OSBPL9: variants seen among roughly 807,000 people sequenced by gnomAD.
OSBPL9 encodes the protein oxysterol-binding protein-related protein 9.
A neutral mutation model predicts 106.6 loss-of-function variants in OSBPL9; 40 were observed. The observed-to-expected ratio is 0.38, with a 90% CI of 0.29 to 0.49. OSBPL9 has a LOEUF of 0.49. OSBPL9 is among the 20% of genes least tolerant of loss of function. The pLI, the probability that OSBPL9 is intolerant of heterozygous loss-of-function variation, is 0.97. For synonymous variants in OSBPL9, 269 were observed against 295.4 expected (o/e 0.91, Z 0.92); for missense variants, 609 against 887.2 (o/e 0.69, Z 3.98).
Position 51,745,852 on chromosome 1 carries a change from GA to G in OSBPL9, c.414+229del, listed in dbSNP as rs199732561. Among the ~76,000 whole-genome samples, 877 of 151,128 alleles carry G rather than the reference GA, an allele frequency of 5.8e-3. 3 individuals carry two copies. The highest frequency in any genetic ancestry group is 0.031 in the Middle Eastern group (9 of 294). ...TACATAATGCTTTTTTGGTCATTAAGAAAAAAAAGGTAAATATGTAGGCATA... is the reference window on the plus strand; with the variant it reads ...TACATAATGCTTTTTTGGTCATTAAGAAAAAAAGGTAAATATGTAGGCATA... On this transcript the variant is annotated intron_variant, in intron 5 of 23. Coordinates refer to ENST00000428468, the MANE Select transcript of OSBPL9 (RefSeq NM_024586.6).
chr1:51,557,540 G>T, the OSBPL9 span, among the ~76,000 whole-genome samples: 7 of 152,248 alleles, frequency 4.6e-5, no homozygotes, highest in Admixed American at 2.0e-4. Flanking sequence ...TGGTAATCAT[G>T]GTCTACTTGT....
At chr1:51,711,701 C>A (rs922056931) in intron 3 of OSBPL9, among the ~76,000 whole-genome samples, 7 of 144,006 alleles carry the variant, frequency 4.9e-5, no homozygotes, top group African/African-American at 5.3e-5. Flanking sequence ...TCAGACGGGG[C>A]GGCCGGGCAG....
chr1:51,766,809 G>A (rs930571076), intron 12 of OSBPL9, among the ~76,000 whole-genome samples: 1 of 151,964 alleles, frequency 6.6e-6, no homozygotes, highest in Non-Finnish European at 1.5e-5. Context: ...GGTGGCTCAC[G>A]CCTGTAATCC....
At chr1:51,593,165 A>G (rs1438630523) in intron 1 of OSBPL9, among the ~76,000 whole-genome samples, 1 of 151,986 alleles carries the variant, frequency 6.6e-6, no homozygotes, top group African/African-American at 2.4e-5. Context: ...CAGCCTCTCT[A>G]CTTTTCACCA....
chr1:51,661,138 G>A (rs1057080940), intron 2 of OSBPL9, among the ~76,000 whole-genome samples: 1 of 152,198 alleles, frequency 6.6e-6, no homozygotes, highest in Non-Finnish European at 1.5e-5. Context: ...TGAAAAGTAT[G>A]TGGTTGTAGA....
chr1:51,713,464 C>G (rs1660486762), intron 3 of OSBPL9, among the ~76,000 whole-genome samples: 1 of 151,792 alleles, frequency 6.6e-6, no homozygotes, highest in African/African-American at 2.4e-5. Context: ...TTTTTTTGTT[C>G]TTAAATTAAA....
intron 3 of OSBPL9, 45 bp from the exon 4 acceptor site, chr1:51,713,958 T>G: frequency 1.1e-5 from 16 of 1,418,374 alleles, no homozygotes; most frequent in Non-Finnish European, 1.6e-5. Flanking sequence ...GGAGATATAT[T>G]ATAGAATTAA....
At chr1:51,778,513 C>T (rs1037678920) in intron 15 of OSBPL9, among the ~76,000 whole-genome samples, 2 of 152,012 alleles carry the variant, frequency 1.3e-5, no homozygotes, top group African/African-American at 4.8e-5. Context: ...ACTTTTAAGA[C>T]AAGAAATATT....
At chr1:51,604,487 C>T (rs879295794) in intron 2 of OSBPL9, among the ~76,000 whole-genome samples, 2 of 151,014 alleles carry the variant, frequency 1.3e-5, no homozygotes, top group African/African-American at 2.4e-5. Context: ...ACCCGGGAGG[C>T]GGAGGTTGCA....
rs1165267361 is a variant in OSBPL9, at chr1:51,788,813, T to C, written c.*1024T>C. ...AATGAATGCCACAGCAGCAGATGGC[T>C]CATTCTGAAGGGAAATACAGAACTA... On this transcript the variant is annotated 3_prime_UTR_variant, in exon 24 of 24. Coordinates refer to ENST00000428468, the MANE Select transcript of OSBPL9 (RefSeq NM_024586.6). 6.6e-6 allele frequency among the ~76,000 whole-genome samples: 1 copy of C among 152,138 alleles called. No individual in the cohort carries two copies. The highest frequency in any genetic ancestry group is 1.9e-4 in the East Asian group (1 of 5,206).
intron 6 of OSBPL9, among the ~76,000 whole-genome samples, chr1:51,747,675 T>C (rs372162932): frequency 1.3e-5 from 2 of 152,090 alleles, no homozygotes; most frequent in East Asian, 3.9e-4. Flanking sequence ...TTTTGGGATT[T>C]AGTCCCATGT....
At chr1:51,633,269 T>G (rs1645218604) in intron 1 of OSBPL9, among the ~76,000 whole-genome samples, 1 of 151,456 alleles carries the variant, frequency 6.6e-6, no homozygotes, top group Admixed American at 6.6e-5. Context: ...ACTTTTATCT[T>G]TATTATAAAA....
intron 1 of OSBPL9, among the ~76,000 whole-genome samples, chr1:51,632,601 T>C (rs1645175461): frequency 6.6e-6 from 1 of 152,238 alleles, no homozygotes; most frequent in African/African-American, 2.4e-5. Context: ...TACAGTGATC[T>C]ATTATAATGC....
At chr1:51,577,553 G>A (rs1487217045) in intron 1 of OSBPL9, among the ~76,000 whole-genome samples, 2 of 151,978 alleles carry the variant, frequency 1.3e-5, no homozygotes, top group Non-Finnish European at 2.9e-5. Context: ...GATTACAGGC[G>A]TGAGCCACCA....
At position 51,784,001 on chromosome 1, in the gene OSBPL9, A is replaced by G. The variant is rs1677002545; in HGVS notation, c.1600A>G (p.Ile534Val). 1.2e-6 allele frequency: 2 copies of G among 1,612,818 alleles called. No individual in the cohort carries two copies. The highest frequency in any genetic ancestry group is 8.5e-7 in the Non-Finnish European group (1 of 1,178,872). ...WTKSKFLGMS[I>V]GVHNIGQGCV... The stretch of plus-strand genomic sequence containing the variant: ...CAAATCAAAATTCCTTGGGATGTCA[A>G]TTGGGGTGCACAACATAGGGCAGGG... The change falls in exon 18 of 24, where the codon ATT becomes GTT. Residue 534 changes from isoleucine to valine, a missense_variant. This residue lies in a region of OSBPL9 where 356 missense variants were observed against 505.8 expected (regional missense o/e 0.70). Coordinates refer to ENST00000428468, the MANE Select transcript of OSBPL9 (RefSeq NM_024586.6).
chr1:51,708,839 A>G (rs1027043301), intron 3 of OSBPL9, among the ~76,000 whole-genome samples: 1 of 152,268 alleles, frequency 6.6e-6, no homozygotes, highest in African/African-American at 2.4e-5. Context: ...TTCAGTTATC[A>G]AAATCATTGA....
chr1:51,616,141 C>T (rs147591248), upstream of OSBPL9, among the ~76,000 whole-genome samples: 849 of 151,798 alleles, frequency 5.6e-3, 2 homozygotes, highest in African/African-American at 0.019. Flanking sequence ...TGCGCCACCA[C>T]GCCCAGATAA....
chr1:51,591,169 C>T (rs1184055542), intron 1 of OSBPL9, among the ~76,000 whole-genome samples: 1 of 151,702 alleles, frequency 6.6e-6, no homozygotes, highest in Non-Finnish European at 1.5e-5. Flanking sequence ...CTGCCCACCT[C>T]GGCCTCCCAA....
At chr1:51,591,902 G>C (rs1375206893) in intron 1 of OSBPL9, among the ~76,000 whole-genome samples, 1 of 152,098 alleles carries the variant, frequency 6.6e-6, no homozygotes, top group Admixed American at 6.6e-5. Flanking sequence ...CCAGTTCTGA[G>C]TACCCTAACA....
Sources: gnomAD v4.1 joint callset for allele counts (sites outside exome capture counted in the v4.1 genomes callset) on GRCh38, gnomAD v4.1.1 for gene constraint, gnomAD v4.1.1 regional missense constraint, MANE v1.5 for transcripts, NCBI Gene and HGNC (gene_info 2026-07-23, HGNC 2026-07-21) for gene names.